Variants in PCDH7 observed in about 807,000 individuals in gnomAD.
The protein encoded by PCDH7 is protocadherin 7.
Under a neutral mutation model 58.9 loss-of-function variants are expected in PCDH7, and 17 were observed. The observed-to-expected ratio is 0.29, with a 90% confidence interval of 0.20 to 0.43. The LOEUF is 0.43. Ranked by LOEUF, PCDH7 falls within the 20% of genes least tolerant of loss-of-function variation. The probability of loss-of-function intolerance (pLI) is 1.00; values close to 1 mark genes in which losing one functional copy is unlikely to be tolerated. For synonymous variants in PCDH7, 664 were observed against 616.4 expected (o/e 1.08, Z -1.14); for missense variants, 1,274 against 1,441.0 (o/e 0.88, Z 1.88).
At position 30,932,512 on chromosome 4, in the gene PCDH7, T is replaced by A. The variant is rs1187868111; in HGVS notation, c.287+12143T>A. Among the ~76,000 whole-genome samples the A allele has an allele frequency of 2.6e-5, 4 of 152,234 alleles. No individual in the cohort carries two copies. The East Asian group carries it at 7.7e-4, about 29-fold the overall frequency. On this transcript the variant is annotated intron_variant, in intron 2 of 3. Transcript: ENST00000509759. Reference sequence around the variant, plus strand: ...CGATAAAAAGTCTTCCAGTTCAAGATAATCTAAACAATTGCTACAAAATAA... The same window carrying A: ...CGATAAAAAGTCTTCCAGTTCAAGAAAATCTAAACAATTGCTACAAAATAA...
At chr4:30,889,036 C>T (rs771717127) in intron 1 of PCDH7, among the ~76,000 whole-genome samples, 6 of 150,940 alleles carry the variant, frequency 4.0e-5, no homozygotes, top group Non-Finnish European at 8.8e-5. Context: ...AAAAACTTAT[C>T]CAGGCTTGGC....
rs188659197 is a variant in PCDH7, at chr4:31,048,856, T to C, written c.*8-93617T>C. 2.6e-4 allele frequency among the ~76,000 whole-genome samples: 39 copies of C among 152,214 alleles called. No homozygotes were observed. In the East Asian group the frequency reaches 7.4e-3, roughly 29 times the overall value. On this transcript the variant is annotated intron_variant, in intron 3 of 3. Transcript: ENST00000509759. ...CTGGAAAGAACATTATATGAAAATG[T>C]TGTCATAGCAGAGCTCCACAATGTA...
At chr4:31,106,100 G>C (rs1466351441) in intron 3 of PCDH7, among the ~76,000 whole-genome samples, 1 of 151,586 alleles carries the variant, frequency 6.6e-6, no homozygotes, top group African/African-American at 2.4e-5. Context: ...TAACTTTATG[G>C]TTTTTGAAAC....
chr4:30,835,574 T>C (rs1049691975), intron 1 of PCDH7, among the ~76,000 whole-genome samples: 1 of 151,984 alleles, frequency 6.6e-6, no homozygotes, highest in Non-Finnish European at 1.5e-5. Flanking sequence ...GATCCAATCA[T>C]ATGGAGGTCT....
At chr4:30,962,877 T>C (rs1407620761) in intron 3 of PCDH7, among the ~76,000 whole-genome samples, 3 of 151,850 alleles carry the variant, frequency 2.0e-5, no homozygotes, top group Non-Finnish European at 4.4e-5. Context: ...TTAATATTAG[T>C]ACGTATCTTG....
At chr4:30,761,606 A>T (rs1273093348) in intron 1 of PCDH7, among the ~76,000 whole-genome samples, 1 of 152,156 alleles carries the variant, frequency 6.6e-6, no homozygotes, top group Non-Finnish European at 1.5e-5. Context: ...GCCTTGTTGT[A>T]AGTACTCAAT....
intron 1 of PCDH7, among the ~76,000 whole-genome samples, chr4:30,896,102 A>G (rs556298703): frequency 1.3e-5 from 2 of 152,256 alleles, no homozygotes; most frequent in South Asian, 4.1e-4. Flanking sequence ...ACATAACTAC[A>G]TATTCTAATG....
intron 1 of PCDH7, among the ~76,000 whole-genome samples, chr4:30,798,198 G>C (rs1328177592): frequency 6.6e-6 from 1 of 152,200 alleles, no homozygotes; most frequent in African/African-American, 2.4e-5. Flanking sequence ...GATTCAACTT[G>C]AACTTGGGAG....
At chr4:31,067,832 T>C (rs1174292127) in intron 3 of PCDH7, among the ~76,000 whole-genome samples, 2 of 151,938 alleles carry the variant, frequency 1.3e-5, no homozygotes, top group Non-Finnish European at 2.9e-5. Flanking sequence ...CAATGGCAGG[T>C]GCTGTGAAGT....
intron 1 of PCDH7, among the ~76,000 whole-genome samples, chr4:30,864,368 G>A (rs11934243): frequency 0.38 from 56,685 of 150,838 alleles, 11,116 homozygotes; most frequent in African/African-American, 0.45. Context: ...AATTTAATAA[G>A]CAGTTATTAT....
At chr4:30,908,473 T>G (rs1435813133) in intron 1 of PCDH7, among the ~76,000 whole-genome samples, 1 of 152,168 alleles carries the variant, frequency 6.6e-6, no homozygotes, top group East Asian at 1.9e-4. Context: ...ATGAGGAGTT[T>G]ACAGTATTTT....
At chr4:31,055,977 A>G (rs186296600) in intron 3 of PCDH7, among the ~76,000 whole-genome samples, 8 of 152,354 alleles carry the variant, frequency 5.3e-5, no homozygotes, top group African/African-American at 1.4e-4. Flanking sequence ...TTGCCCAGGC[A>G]TTGTAATGTA....
At chr4:30,852,829 GA>G (rs58210433) in intron 1 of PCDH7, among the ~76,000 whole-genome samples, 1,571 of 74,592 alleles carry the variant, frequency 0.021, 27 homozygotes, top group African/African-American at 0.067. Context: ...TCAAGCACAG[GA>G]AAAAAAAAAA....
intron 1 of PCDH7, among the ~76,000 whole-genome samples, chr4:30,855,266 A>G (rs1177293059): frequency 6.6e-6 from 1 of 152,128 alleles, no homozygotes; most frequent in Non-Finnish European, 1.5e-5. Context: ...AAGATGCTTG[A>G]TTTGTCATGA....
chr4:30,739,575 A>G lies in PCDH7; in HGVS notation c.70+14979A>G, dbSNP rs566329926. Reference sequence around the variant, plus strand: ...ATGGTAATGTCTGGATTTTTCCCAAACTAATGCTTATACTGTTAGGTCAAG... The same window carrying G: ...ATGGTAATGTCTGGATTTTTCCCAAGCTAATGCTTATACTGTTAGGTCAAG... On this transcript the variant is annotated intron_variant, in intron 1 of 3. Transcript: ENST00000509759. Among the ~76,000 whole-genome samples, 64 of 152,266 alleles carry G rather than the reference A, an allele frequency of 4.2e-4. 3 individuals carry two copies. The highest frequency in any genetic ancestry group is 1.4e-3 in the African/African-American group (59 of 41,548).
chr4:31,000,785 CA>C (rs1374075168), intron 3 of PCDH7, among the ~76,000 whole-genome samples: 4 of 151,908 alleles, frequency 2.6e-5, no homozygotes, highest in Non-Finnish European at 5.9e-5. Flanking sequence ...CATAGTAAAA[CA>C]AAGTTTGAAA....
At chr4:30,800,457 G>C (rs1725390279) in intron 1 of PCDH7, among the ~76,000 whole-genome samples, 1 of 152,082 alleles carries the variant, frequency 6.6e-6, no homozygotes, top group South Asian at 2.1e-4. Context: ...TAATTGCTGA[G>C]TAGCGACTTT....
At chr4:30,766,752 C>T (rs1720807220) in intron 1 of PCDH7, among the ~76,000 whole-genome samples, 1 of 151,912 alleles carries the variant, frequency 6.6e-6, no homozygotes, top group Non-Finnish European at 1.5e-5. Context: ...ATACTTTAGA[C>T]ATTATTTTGA....
chr4:30,939,100 T>C (rs1320605917), intron 2 of PCDH7, among the ~76,000 whole-genome samples: 3 of 152,160 alleles, frequency 2.0e-5, no homozygotes, highest in African/African-American at 7.2e-5. Flanking sequence ...TGTTTTTTAA[T>C]GCAAGCCTGA....
Sources: allele counts gnomAD v4.1 joint callset (sites outside exome capture counted in the v4.1 genomes callset), GRCh38; gene constraint gnomAD v4.1.1; transcripts MANE v1.5; gene names NCBI Gene and HGNC (gene_info 2026-07-23, HGNC 2026-07-21).